Variants in ZNF618 observed in about 807,000 individuals in gnomAD.
ZNF618 encodes the protein zinc finger protein 618.
Under a neutral mutation model 103.0 loss-of-function variants are expected in ZNF618, and 34 were observed. The observed-to-expected ratio is 0.33, with a 90% CI of 0.25 to 0.44. ZNF618 has a LOEUF of 0.44. ZNF618 is among the 20% of genes least tolerant of loss of function. ZNF618 has a pLI of 1.00. For missense variants in ZNF618, 1,059 were observed against 1,295.4 expected, an observed-to-expected ratio of 0.82 and a Z score of 2.80; for synonymous variants, 551 against 542.2, an observed-to-expected ratio of 1.02 and a Z score of -0.23.
At chr9:113,913,244 A>T (rs981404605) in intron 1 of ZNF618, among the ~76,000 whole-genome samples, 3 of 152,184 alleles carry the variant, frequency 2.0e-5, no homozygotes, top group African/African-American at 7.2e-5. Flanking sequence ...TTTACAGATG[A>T]GGATACTGAG....
chr9:113,959,644 G>A (rs1836654679), intron 1 of ZNF618, among the ~76,000 whole-genome samples: 2 of 151,972 alleles, frequency 1.3e-5, no homozygotes, highest in South Asian at 2.1e-4. Flanking sequence ...TTTTGCTCTC[G>A]TTGCCCAAGT....
At chr9:113,952,024 C>G (rs1835825993) in intron 1 of ZNF618, among the ~76,000 whole-genome samples, 1 of 152,134 alleles carries the variant, frequency 6.6e-6, no homozygotes, top group Non-Finnish European at 1.5e-5. Context: ...TATTCCGGCC[C>G]TGGGTTTGCC....
chr9:114,002,583 C>A (rs763514190), intron 5 of ZNF618, 41 bp from the exon 6 acceptor site: 6 of 1,599,550 alleles, frequency 3.8e-6, no homozygotes, highest in Non-Finnish European at 5.1e-6. Context: ...TGTCATTGGC[C>A]CGGTAGCCCC....
At position 113,984,997 on chromosome 9, in the gene ZNF618, A is replaced by G. The variant is rs139272737; in HGVS notation, c.78-3324A>G. On this transcript the variant is annotated intron_variant, in intron 2 of 14. Transcript: ENST00000374126. Reference sequence around the variant, plus strand: ...TGCGCTAAACACCTATGCCACATAAACTTGCATCTTCTGCACATGCCCCTC... The same window carrying G: ...TGCGCTAAACACCTATGCCACATAAGCTTGCATCTTCTGCACATGCCCCTC... 3.0e-3 allele frequency among the ~76,000 whole-genome samples: 464 copies of G among 152,164 alleles called. 1 individual carries two copies. Among genetic ancestry groups the G allele is most frequent in the African/African-American group, 0.011 (439 of 41,524 alleles).
intron 12 of ZNF618, among the ~76,000 whole-genome samples, chr9:114,033,208 G>A (rs1269543356): frequency 2.0e-5 from 3 of 152,106 alleles, no homozygotes; most frequent in Admixed American, 1.3e-4. Context: ...TCAGGAGTTC[G>A]AGACCAACCT....
At chr9:113,969,545 G>C (rs1287307659) in intron 2 of ZNF618, among the ~76,000 whole-genome samples, 1 of 152,196 alleles carries the variant, frequency 6.6e-6, no homozygotes, top group East Asian at 1.9e-4. Context: ...AGTGTCATGT[G>C]CTCCTCTCTC....
intron 1 of ZNF618, among the ~76,000 whole-genome samples, chr9:113,911,436 C>T (rs1831537235): frequency 6.6e-6 from 1 of 152,126 alleles, no homozygotes; most frequent in African/African-American, 2.4e-5. Flanking sequence ...TCAAACGATT[C>T]TCCTGTCTTA....
chr9:113,918,004 G>A (rs570162457), intron 1 of ZNF618, among the ~76,000 whole-genome samples: 2 of 152,084 alleles, frequency 1.3e-5, no homozygotes, highest in Admixed American at 6.6e-5. Flanking sequence ...CCTAGGAGCC[G>A]ATCCGGGATC....
intron 1 of ZNF618, among the ~76,000 whole-genome samples, chr9:113,958,894 T>C (rs1035698797): frequency 2.0e-5 from 3 of 152,238 alleles, no homozygotes; most frequent in African/African-American, 7.2e-5. Flanking sequence ...CTGACCATGT[T>C]ACTGCCCTGC....
At chr9:113,913,357 C>T (rs1378489734) in intron 1 of ZNF618, among the ~76,000 whole-genome samples, 2 of 152,380 alleles carry the variant, frequency 1.3e-5, no homozygotes, top group African/African-American at 4.8e-5. Flanking sequence ...TGACCGCCTT[C>T]TTCTGCAGAT....
chr9:113,885,814 AAAAGG>A (rs1165975225), intron 1 of ZNF618, among the ~76,000 whole-genome samples: 1 of 152,188 alleles, frequency 6.6e-6, no homozygotes, highest in Non-Finnish European at 1.5e-5. Flanking sequence ...TCCTTTCTTA[AAAAGG>A]AAAGGAGGAA....
intron 1 of ZNF618, among the ~76,000 whole-genome samples, chr9:113,895,410 A>G (rs191901245): frequency 5.0e-4 from 76 of 152,128 alleles, no homozygotes; most frequent in Non-Finnish European, 8.2e-4. Context: ...GAAGGAACCC[A>G]TTTTGTTTAT....
intron 2 of ZNF618, among the ~76,000 whole-genome samples, chr9:113,971,364 C>T (rs1399235517): frequency 6.6e-6 from 1 of 152,094 alleles, no homozygotes; most frequent in Non-Finnish European, 1.5e-5. Flanking sequence ...CTGGTGCTTT[C>T]TCCACTCCTC....
chr9:113,982,655 G>C lies in ZNF618; in HGVS notation c.78-5666G>C, dbSNP rs145998575. ...CCGCTCACCCCACCACAGAGAGAAA[G>C]AGGCCTAAATCTGTATACATCAGGC... On this transcript the variant is annotated intron_variant, in intron 2 of 14. Coordinates refer to ENST00000374126, the MANE Select transcript of ZNF618 (RefSeq NM_001318042.2). Among the ~76,000 whole-genome samples the C allele has an allele frequency of 6.4e-4, 97 of 152,270 alleles. 2 individuals carry two copies. The East Asian group carries it at 0.014, about 21-fold the overall frequency.
chr9:113,882,496 G>T (rs544376794), intron 1 of ZNF618, among the ~76,000 whole-genome samples: 17 of 152,310 alleles, frequency 1.1e-4, no homozygotes, highest in African/African-American at 4.1e-4. Flanking sequence ...TCCATTTGGG[G>T]AGATTAAGTC....
chr9:114,002,640 A>G lies in ZNF618; in HGVS notation c.528A>G (p.Ser176=), dbSNP rs775433665. 1 of 1,611,252 alleles carries G rather than the reference A, an allele frequency of 6.2e-7. No individual in the cohort carries two copies. The highest frequency in any genetic ancestry group is 8.5e-7 in the Non-Finnish European group (1 of 1,179,676). The part of the protein sequence containing the change: ...VRAHRDTEAT[S]GEGASQSNNF... ...TCTTTGCAGACACCGAAGCCACCTCAGGGGAGGGAGCCTCCCAAAGCAGTG... is the reference window on the plus strand; with the variant it reads ...TCTTTGCAGACACCGAAGCCACCTCGGGGGAGGGAGCCTCCCAAAGCAGTG... Residue 176 remains serine (S), a synonymous_variant, in exon 6 of 15, where the codon TCA becomes TCG. Transcript: ENST00000374126.
At chr9:114,014,211 T>C (rs925095329) in intron 9 of ZNF618, among the ~76,000 whole-genome samples, 1 of 152,194 alleles carries the variant, frequency 6.6e-6, no homozygotes, top group Admixed American at 6.5e-5. Context: ...AAATCAATTA[T>C]AGCAATAAAA....
At chr9:114,036,525 C>T (rs1457047921) in intron 13 of ZNF618, 148 bp downstream of exon 13, 7 of 813,386 alleles carry the variant, frequency 8.6e-6, no homozygotes, top group Non-Finnish European at 1.4e-5. Flanking sequence ...CAGGGAGCCC[C>T]AGTCAGTCAG....
chr9:114,008,211 C>A, intron 7 of ZNF618, 133 bp from the exon 8 acceptor site: 3 of 1,266,184 alleles, frequency 2.4e-6, no homozygotes, highest in Non-Finnish European at 3.2e-6. Context: ...GCCACGGCAG[C>A]CCTCCTGGGC....
Sources: gnomAD v4.1 joint callset for allele counts (sites outside exome capture counted in the v4.1 genomes callset) on GRCh38, gnomAD v4.1.1 for gene constraint, MANE v1.5 for transcripts, NCBI Gene and HGNC (gene_info 2026-07-23, HGNC 2026-07-21) for gene names.